Variants in CCDC169 observed in about 807,000 individuals in gnomAD.
The protein encoded by CCDC169 is coiled-coil domain-containing protein 169.
Under a neutral mutation model 36.0 loss-of-function variants are expected in CCDC169, and 30 were observed. The observed-to-expected ratio is 0.83, with a 90% CI of 0.62 to 1.13. The LOEUF (loss-of-function observed/expected upper bound fraction) is 1.13, where lower values mean the gene tolerates loss of function less well. Among genes scored for constraint, CCDC169 ranks in the 50% most tolerant of loss-of-function variants. CCDC169 has a pLI of 0.00. For missense variants in CCDC169, 245 were observed against 245.9 expected (o/e 1.00, Z 0.03); for synonymous variants, 85 against 81.5 (o/e 1.04, Z -0.23).
chr13:36,290,881 G>A (rs1878796054), intron 2 of CCDC169, among the ~76,000 whole-genome samples: 1 of 151,606 alleles, frequency 6.6e-6, no homozygotes, highest in South Asian at 2.1e-4. Context: ...AGGCACGATG[G>A]ACCAGGGGCA....
At position 36,297,687 on chromosome 13, in the gene CCDC169, A is replaced by G. The variant is rs903844407; in HGVS notation, c.33T>C (p.Gly11=). 1.9e-6 allele frequency: 3 copies of G among 1,551,136 alleles called. No homozygotes were observed. The African/African-American group carries it at 4.1e-5, about 21-fold the overall frequency. Residue 11 remains glycine, a synonymous_variant, in exon 1 of 8, where the codon GGT becomes GGC. Coordinates refer to ENST00000239859, the MANE Select transcript of CCDC169 (RefSeq NM_001144981.3). ...GCTGTTTCAGGCGGTTGGTGCTCAC[A>G]CCGTCGAAGTTGTAGTTTCTCTCTT... MKEERNYNFD[G]VSTNRLKQQL...
chr13:36,268,609 G>T (rs1232096917), intron 4 of CCDC169, among the ~76,000 whole-genome samples: 1 of 151,694 alleles, frequency 6.6e-6, no homozygotes, highest in Non-Finnish European at 1.5e-5. Flanking sequence ...AAGAAGAAAA[G>T]AAATAACAAG....
At chr13:36,282,436 T>C in intron 4 of CCDC169, 1 of 985,392 alleles carries the variant, frequency 1.0e-6, no homozygotes, top group Non-Finnish European at 1.2e-6. Flanking sequence ...TGGACACTTC[T>C]ATCGCTGACT....
intron 7 of CCDC169, among the ~76,000 whole-genome samples, chr13:36,247,929 C>T (rs1167645976): frequency 1.3e-5 from 2 of 152,124 alleles, no homozygotes; most frequent in Non-Finnish European, 1.5e-5. Flanking sequence ...AAGAGTCAAT[C>T]GGTGCAGCAA....
rs1284788179 is a variant in CCDC169 at position 36,295,858 on chromosome 13, C to T, written c.84-1G>A. The T allele has an allele frequency of 1.3e-6, 2 of 1,510,920 alleles. No homozygotes were observed. The highest frequency in any genetic ancestry group is 1.8e-6 in the Non-Finnish European group (2 of 1,119,712). 93.6% of individuals were successfully genotyped at this position (1,510,920 alleles called of 1,614,324 possible). A position where few individuals can be genotyped will look rare whatever the true frequency, so the allele number is the denominator to read the frequency against. On this transcript the variant is annotated splice_acceptor_variant, in intron 1 of 7. Transcript: ENST00000239859. LOFTEE classifies it high-confidence loss of function. Reference sequence around the variant, plus strand: ...AAATATTGAGAGTTGCACTGCATCCCTGTTATTTAAAATATTTTTGTTGAT... The same window carrying T: ...AAATATTGAGAGTTGCACTGCATCCTTGTTATTTAAAATATTTTTGTTGAT...
At chr13:36,262,136 C>A (rs1159547261) in intron 4 of CCDC169, among the ~76,000 whole-genome samples, 1 of 152,142 alleles carries the variant, frequency 6.6e-6, no homozygotes, top group Non-Finnish European at 1.5e-5. Context: ...TTGAATCTAC[C>A]ACCCAGAAAT....
At chr13:36,272,424 A>C (rs980996495) in intron 4 of CCDC169, among the ~76,000 whole-genome samples, 1 of 152,180 alleles carries the variant, frequency 6.6e-6, no homozygotes, top group African/African-American at 2.4e-5. Context: ...AAGTAGTAAC[A>C]CATGTAAAAA....
intron 2 of CCDC169, among the ~76,000 whole-genome samples, chr13:36,289,338 T>C (rs2138637573): frequency 6.6e-6 from 1 of 152,342 alleles, no homozygotes. Context: ...TGTGGCCTGA[T>C]GCTAAAATGT....
intron 2 of CCDC169, among the ~76,000 whole-genome samples, chr13:36,285,960 A>G (rs760857046): frequency 2.0e-4 from 31 of 152,316 alleles, no homozygotes; most frequent in Non-Finnish European, 3.2e-4. Flanking sequence ...AGTTTTGGTC[A>G]ATGAAGTCAC....
chr13:36,249,113 A>G (rs887585773), intron 6 of CCDC169, among the ~76,000 whole-genome samples: 1 of 152,214 alleles, frequency 6.6e-6, no homozygotes, highest in Admixed American at 6.5e-5. Context: ...TCCAGGATAT[A>G]AAAGTGGAAA....
At chr13:36,222,370 T>C (rs1431734600), downstream of CCDC169, 1 of 152,154 alleles carries the variant, frequency 6.6e-6, no homozygotes, top group Non-Finnish European at 1.5e-5. Flanking sequence ...AGCTAACAGA[T>C]ATGTAAAAAC....
chr13:36,255,484 C>T (rs745990289), intron 4 of CCDC169, among the ~76,000 whole-genome samples: 11 of 152,112 alleles, frequency 7.2e-5, no homozygotes, highest in Non-Finnish European at 1.3e-4. Context: ...GCCAACATGG[C>T]GAACCCTGTC....
intron 4 of CCDC169, among the ~76,000 whole-genome samples, chr13:36,259,292 T>C (rs1874320937): frequency 6.6e-6 from 1 of 152,144 alleles, no homozygotes; most frequent in Non-Finnish European, 1.5e-5. Flanking sequence ...CTCAGGAACA[T>C]TATGAGCTCT....
intron 2 of CCDC169, among the ~76,000 whole-genome samples, chr13:36,286,601 T>C (rs1878287259): frequency 1.3e-5 from 2 of 152,142 alleles, no homozygotes; most frequent in South Asian, 4.1e-4. Context: ...TGCACCCTGA[T>C]CTCTTTGTCT....
chr13:36,227,144 G>A (rs563096566), downstream of CCDC169: 289 of 1,141,346 alleles, frequency 2.5e-4, 2 homozygotes, highest in South Asian at 5.8e-3. Context: ...GAGGCTTAAA[G>A]AAATACATGT....
At chr13:36,266,150 C>G (rs1875278961) in intron 4 of CCDC169, among the ~76,000 whole-genome samples, 1 of 152,152 alleles carries the variant, frequency 6.6e-6, no homozygotes, top group Admixed American at 6.5e-5. Flanking sequence ...AAGAATTATG[C>G]TTTCCACTGG....
intron 4 of CCDC169, among the ~76,000 whole-genome samples, chr13:36,258,051 AT>A (rs573723786): frequency 6.6e-6 from 1 of 150,914 alleles, no homozygotes; most frequent in East Asian, 2.0e-4. Context: ...TACTAGGGTG[AT>A]TTTTTTGCCA....
chr13:36,235,272 A>G (rs897887996), intron 7 of CCDC169, among the ~76,000 whole-genome samples: 3 of 151,844 alleles, frequency 2.0e-5, no homozygotes, highest in Non-Finnish European at 4.4e-5. Flanking sequence ...CCAATCCTTC[A>G]CACGCACTTC....
At chr13:36,231,386 T>C in intron 7 of CCDC169, 94 bp from the exon 8 acceptor site, 1 of 1,228,526 alleles carries the variant, frequency 8.1e-7, no homozygotes, top group Non-Finnish European at 1.1e-6. Context: ...ATATTGCACC[T>C]TGTTCCCCCC....
Sources: allele counts gnomAD v4.1 joint callset (sites outside exome capture counted in the v4.1 genomes callset), GRCh38; gene constraint gnomAD v4.1.1; transcripts MANE v1.5; gene names NCBI Gene and HGNC (gene_info 2026-07-23, HGNC 2026-07-21).